The following ZNF699 variants were observed in gnomAD, a reference collection of about 807,000 sequenced individuals.
The protein encoded by ZNF699 is hangover homolog.
In ZNF699, 18 loss-of-function variants were observed where a neutral mutation model predicts 22.5. The observed-to-expected ratio is 0.80, with a 90% CI of 0.55 to 1.19. The LOEUF is 1.19. Ranked by LOEUF, ZNF699 falls within the 50% of genes most tolerant of loss-of-function variation. The pLI is 0.00. For synonymous variants in ZNF699, 241 were observed against 262.3 expected (o/e 0.92, Z 0.78); for missense variants, 670 against 763.4 (o/e 0.88, Z 1.44).
Position 9,302,429 on chromosome 19 carries a change from T to A in ZNF699, c.124A>T (p.Asn42Tyr), listed in dbSNP as rs1334559907. 1.9e-6 allele frequency: 3 copies of A among 1,613,900 alleles called. No homozygotes were observed. Among genetic ancestry groups the A allele is most frequent in the Admixed American group, 3.3e-5 (2 of 59,998 alleles). ...EWALLDLAQR[N>Y]LYRDVMLENF... ...TCCAGCATCACATCTCTGTAGAGGT[T>A]TCTCTGAGCAAGATCCAGCAAAGCC... Residue 42 changes from asparagine (N) to tyrosine (Y), a missense_variant, in exon 3 of 6, where the codon AAC becomes TAC. By Grantham distance (143) the Asn-to-Tyr change is moderately radical. Coordinates refer to ENST00000591998, the MANE Select transcript of ZNF699 (RefSeq NM_198535.3).
intron 3 of ZNF699, among the ~76,000 whole-genome samples, chr19:9,300,921 A>ATGT (rs2066304790): frequency 6.6e-6 from 1 of 152,214 alleles, no homozygotes; most frequent in African/African-American, 2.4e-5. Context: ...ACCAAGAGTG[A>ATGT]ACCCTAATGT....
At chr19:9,304,921 C>CAAA (rs34867149) in intron 2 of ZNF699, 151 bp downstream of exon 2, 12,122 of 301,778 alleles carry the variant, frequency 0.04, 6 homozygotes, top group South Asian at 0.066. Context: ...GACTCTGTCT[C>CAAA]AAAAAAAAAA....
chr19:9,296,165 G>T lies in ZNF699; in HGVS notation c.1239C>A (p.His413Gln). 1 of 1,613,938 alleles carries T rather than the reference G, an allele frequency of 6.2e-7. No homozygotes were observed. The highest frequency in any genetic ancestry group is 8.5e-7 in the Non-Finnish European group (1 of 1,179,974). ...GACATTCATACGGTTTTTCTCCAGT[G>T]TGTTTTCTCATATGGATACTTAAGG... ...PSSLSIHMRK[H>Q]TGEKPYECLE... is the part of the protein sequence containing the mutation. Residue 413 changes from histidine to glutamine, a missense_variant, in exon 6 of 6, where the codon CAC becomes CAA. Physicochemically the swap from His to Gln is conservative, Grantham distance 24. Coordinates refer to ENST00000591998, the MANE Select transcript of ZNF699 (RefSeq NM_198535.3).
At position 9,296,375 on chromosome 19, in the gene ZNF699, G is replaced by A. The variant is rs553932050; in HGVS notation, c.1029C>T (p.Ala343=). 1.2e-6 allele frequency: 2 copies of A among 1,613,958 alleles called. No individual in the cohort carries two copies. The highest frequency in any genetic ancestry group is 2.7e-5 in the African/African-American group (2 of 74,996). The stretch of plus-strand genomic sequence containing the variant: ...TTATAAGGTGAGAGGAAGAGCTAAA[G>A]GCCTTCCCACATTCCTTACATTCAT... ...KPYECKECGK[A]FSSSSHLIIH... is the part of the protein sequence containing the mutation. The change falls in exon 6 of 6, where the codon GCC becomes GCT. Residue 343 remains alanine (A), a synonymous_variant. Coordinates refer to ENST00000591998, the MANE Select transcript of ZNF699 (RefSeq NM_198535.3).
intron 3 of ZNF699, 28 bp downstream of exon 3, chr19:9,302,350 C>G (rs2066310593): frequency 6.2e-7 from 1 of 1,612,270 alleles, no homozygotes; most frequent in East Asian, 2.2e-5. Context: ...TTCTAAACAA[C>G]TACATGAAAG....
Position 9,297,311 on chromosome 19 carries a change from T to C in ZNF699, c.455A>G (p.His152Arg), listed in dbSNP as rs1016527019. Residue 152 changes from histidine to arginine, a missense_variant, in exon 5 of 6, where the codon CAT becomes CGT. Transcript: ENST00000591998. The surrounding 1 kb of genome is among the most constrained non-coding windows in gnomAD (Gnocchi z 4.3). Reference protein sequence around the residue: ...SCGIDYQNKSHERHLRNHMVE... With the variant: ...SCGIDYQNKSRERHLRNHMVE... Reference sequence around the variant, plus strand: ...TGGCACTCACCTCAAATGTCTCTCATGGCTTTTGTTCTGATAATCAATACC... The same window carrying C: ...TGGCACTCACCTCAAATGTCTCTCACGGCTTTTGTTCTGATAATCAATACC... The C allele has an allele frequency of 1.7e-5, 27 of 1,592,130 alleles. No homozygotes were observed. Among genetic ancestry groups the C allele is most frequent in the African/African-American group, 2.7e-5 (2 of 73,464 alleles).
At chr19:9,308,657 C>G (rs922002841) in intron 1 of ZNF699, among the ~76,000 whole-genome samples, 5 of 152,054 alleles carry the variant, frequency 3.3e-5, no homozygotes, top group South Asian at 4.2e-4. Flanking sequence ...AGGAAAAAAA[C>G]CTACAAACAC....
Position 9,296,382 on chromosome 19 carries a change from C to T in ZNF699, c.1022G>A (p.Gly341Glu). 6.2e-7 allele frequency: 1 copy of T among 1,614,062 alleles called. No individual in the cohort carries two copies. The highest frequency in any genetic ancestry group is 8.5e-7 in the Non-Finnish European group (1 of 1,179,950). ...GDKPYECKEC[G>E]KAFSSSSHLI... Reference sequence around the variant, plus strand: ...GTGAGAGGAAGAGCTAAAGGCCTTCCCACATTCCTTACATTCATATGGCTT... The same window carrying T: ...GTGAGAGGAAGAGCTAAAGGCCTTCTCACATTCCTTACATTCATATGGCTT... The change falls in exon 6 of 6, where the codon GGG (glycine) becomes GAG (glutamate). Residue 341 changes from glycine (G) to glutamate (E), a missense_variant. Gly to Glu is a moderately conservative substitution (Grantham distance 98). Coordinates refer to ENST00000591998, the MANE Select transcript of ZNF699 (RefSeq NM_198535.3).
Position 9,296,600 on chromosome 19 carries a change from T to C in ZNF699, c.804A>G (p.Ala268=), listed in dbSNP as rs950130369. The change falls in exon 6 of 6, where the codon GCA becomes GCG. Residue 268 remains alanine, a synonymous_variant. Transcript: ENST00000591998. The part of the protein sequence containing the change: ...KAFSCSSFFR[A]HMKIHIGKTN... ...TCTTTCCGATGTGAATCTTCATATG[T>C]GCCCTAAAGAATGAGGAACAGCTGA... The C allele has an allele frequency of 5.0e-6, 8 of 1,614,234 alleles. No homozygotes were observed. Among genetic ancestry groups the C allele is most frequent in the East Asian group, 4.5e-5 (2 of 44,876 alleles).
rs2066286479 is a variant in ZNF699, at chr19:9,296,387, T to C, written c.1017A>G (p.Glu339=). 1 of 1,613,908 alleles carries C rather than the reference T, an allele frequency of 6.2e-7. No homozygotes were observed. The change falls in exon 6 of 6, where the codon GAA becomes GAG. Residue 339 remains glutamate, a synonymous_variant. Coordinates refer to ENST00000591998, the MANE Select transcript of ZNF699 (RefSeq NM_198535.3). ...AGGAAGAGCTAAAGGCCTTCCCACA[T>C]TCCTTACATTCATATGGCTTATCTC... is the stretch of plus-strand genomic sequence containing the variant. The part of the protein sequence containing the change: ...HSGDKPYECK[E]CGKAFSSSSH...
chr19:9,307,201 AAAAT>A (rs1025371418), intron 1 of ZNF699, among the ~76,000 whole-genome samples: 16 of 152,150 alleles, frequency 1.1e-4, no homozygotes, highest in African/African-American at 3.9e-4. Flanking sequence ...ACTCTGTCTC[AAAAT>A]AAATAAAATA....
chr19:9,296,562 C>T lies in ZNF699; in HGVS notation c.842G>A (p.Cys281Tyr). Reference sequence around the variant, plus strand: ...ACTAAAACCTTTCCCACATTCTTTACATTCATAGTTTGTCTTTCCGATGTG... The same window carrying T: ...ACTAAAACCTTTCCCACATTCTTTATATTCATAGTTTGTCTTTCCGATGTG... ...KIHIGKTNYE[C>Y]KECGKGFSCS... Residue 281 changes from cysteine (C) to tyrosine (Y), a missense_variant, in exon 6 of 6, where the codon TGT becomes TAT. Cys to Tyr is a radical substitution (Grantham distance 194, BLOSUM62 -2). Transcript: ENST00000591998. The T allele has an allele frequency of 1.9e-6, 3 of 1,614,172 alleles. No individual in the cohort carries two copies. The highest frequency in any genetic ancestry group is 1.1e-5 in the South Asian group (1 of 91,080).
At chr19:9,307,677 G>A (rs911339533) in intron 1 of ZNF699, among the ~76,000 whole-genome samples, 7 of 152,034 alleles carry the variant, frequency 4.6e-5, no homozygotes, top group African/African-American at 9.7e-5. Context: ...GGCCAGGCAC[G>A]GTGGCTCACA....
At chr19:9,306,316 C>T (rs1268352499) in intron 1 of ZNF699, among the ~76,000 whole-genome samples, 4 of 151,174 alleles carry the variant, frequency 2.6e-5, no homozygotes, top group South Asian at 4.2e-4. Flanking sequence ...CGCTTGAACC[C>T]GGGAGGCGGA....
rs2066275152 is a variant in ZNF699 at position 9,293,864 on chromosome 19, A to G, written c.*1611T>C. On this transcript the variant is annotated 3_prime_UTR_variant, in exon 6 of 6. Coordinates refer to ENST00000591998, the MANE Select transcript of ZNF699 (RefSeq NM_198535.3). ...GGGAAATATCACAGTAGTAGATTATACTTTTAAAGGGAAAATATAATACTG... is the reference window on the plus strand; with the variant it reads ...GGGAAATATCACAGTAGTAGATTATGCTTTTAAAGGGAAAATATAATACTG... Among the ~76,000 whole-genome samples, 1 of 152,068 alleles carries G rather than the reference A, an allele frequency of 6.6e-6. No homozygotes were observed. The highest frequency in any genetic ancestry group is 1.5e-5 in the Non-Finnish European group (1 of 68,014).
At chr19:9,300,274 G>A (rs1418984813) in intron 3 of ZNF699, among the ~76,000 whole-genome samples, 3 of 152,130 alleles carry the variant, frequency 2.0e-5, no homozygotes, top group Non-Finnish European at 1.5e-5. Flanking sequence ...TACAGATGGA[G>A]TTTCACCCTG....
Position 9,295,960 on chromosome 19 carries a change from T to G in ZNF699, c.1444A>C (p.Lys482Gln). Residue 482 changes from lysine to glutamine, a missense_variant, in exon 6 of 6, where the codon AAG (lysine) becomes CAG (glutamine). Physicochemically the swap from Lys to Gln is moderately conservative, Grantham distance 53. Coordinates refer to ENST00000591998, the MANE Select transcript of ZNF699 (RefSeq NM_198535.3). ...AGGGATGAGGAACGACTAAAGGTCT[T>G]CCCACACTCCTTACATTCATACTGT... ...KIQYECKECG[K>Q]TFSRSSSLTE... is the part of the protein sequence containing the mutation. 3 of 1,614,136 alleles carry G rather than the reference T, an allele frequency of 1.9e-6. No homozygotes were observed. The highest frequency in any genetic ancestry group is 2.5e-6 in the Non-Finnish European group (3 of 1,180,036).
chr19:9,306,160 G>T (rs902892554), intron 1 of ZNF699, among the ~76,000 whole-genome samples: 1 of 151,962 alleles, frequency 6.6e-6, no homozygotes, highest in Non-Finnish European at 1.5e-5. Flanking sequence ...TTGGGAGGCC[G>T]AGGTGGATGG....
chr19:9,304,720 T>C (rs994933789), intron 2 of ZNF699, among the ~76,000 whole-genome samples: 1 of 152,034 alleles, frequency 6.6e-6, no homozygotes, highest in Non-Finnish European at 1.5e-5. Context: ...GGTCAGGAGA[T>C]TGAGACCATC....
Sources: gnomAD v4.1 joint callset for allele counts (sites outside exome capture counted in the v4.1 genomes callset) on GRCh38, gnomAD v4.1.1 for gene constraint, Gnocchi (gnomAD v3.1) non-coding constraint, MANE v1.5 for transcripts, NCBI Gene and HGNC (gene_info 2026-07-23, HGNC 2026-07-21) for gene names.